Variants in PTPRD observed in about 807,000 individuals in gnomAD.
PTPRD encodes protein tyrosine phosphatase receptor type D.
In PTPRD, 34 loss-of-function variants were observed where a neutral mutation model predicts 214.5. That is an observed-to-expected ratio of 0.16 (90% confidence interval 0.12 to 0.21). The LOEUF is 0.21. Among genes scored for constraint, PTPRD ranks in the 10% least tolerant of loss-of-function variants. The probability of loss-of-function intolerance (pLI) is 1.00; values close to 1 mark genes in which losing one functional copy is unlikely to be tolerated. For synonymous variants in PTPRD, 1,128 were observed against 845.7 expected (o/e 1.33, Z -5.79); for missense variants, 2,545 against 2,398.7 (o/e 1.06, Z -1.27).
chr9:9,284,170 G>A (rs1948655461), intron 9 of PTPRD, among the ~76,000 whole-genome samples: 1 of 151,518 alleles, frequency 6.6e-6, no homozygotes, highest in African/African-American at 2.4e-5. Flanking sequence ...TCCTTTTCTT[G>A]GGGTTCTATC....
intron 3 of PTPRD, among the ~76,000 whole-genome samples, chr9:10,218,957 A>T (rs2099553781): frequency 6.6e-6 from 1 of 151,862 alleles, no homozygotes; most frequent in African/African-American, 2.4e-5. Flanking sequence ...AGAGAAAATT[A>T]AAAGTAAGAA....
At chr9:9,343,770 T>C (rs1453859926) in intron 9 of PTPRD, among the ~76,000 whole-genome samples, 1 of 151,888 alleles carries the variant, frequency 6.6e-6, no homozygotes. Flanking sequence ...TGAAATGAAG[T>C]GAAACAAATA....
At chr9:8,610,298 C>T (rs1337809) in intron 14 of PTPRD, among the ~76,000 whole-genome samples, 37,863 of 151,962 alleles carry the variant, frequency 0.25, 6,462 homozygotes, top group African/African-American at 0.48. Flanking sequence ...GCATACTGTT[C>T]GGCACATATT....
At chr9:8,799,351 A>C (rs1408069025) in intron 11 of PTPRD, among the ~76,000 whole-genome samples, 1 of 152,254 alleles carries the variant, frequency 6.6e-6, no homozygotes, top group African/African-American at 2.4e-5. Context: ...GAGGCAGCTT[A>C]GAATTCATTA....
chr9:8,334,958 C>G (rs1845142464), intron 43 of PTPRD, among the ~76,000 whole-genome samples: 1 of 150,076 alleles, frequency 6.7e-6, no homozygotes, highest in East Asian at 2.0e-4. Flanking sequence ...AAGACTAAAC[C>G]AGGAAGAAGT....
At chr9:10,027,940 T>G (rs2096960904) in intron 4 of PTPRD, among the ~76,000 whole-genome samples, 1 of 152,184 alleles carries the variant, frequency 6.6e-6, no homozygotes, top group Admixed American at 6.5e-5. Context: ...GGCTTAAAAG[T>G]ATATTGGATT....
intron 5 of PTPRD, among the ~76,000 whole-genome samples, chr9:9,855,348 C>T (rs1226298478): frequency 1.3e-5 from 2 of 152,106 alleles, no homozygotes; most frequent in Admixed American, 6.5e-5. Flanking sequence ...TTCACAGGAA[C>T]GCTGAGTAAA....
chr9:9,696,080 G>C (rs1047784005), intron 7 of PTPRD, among the ~76,000 whole-genome samples: 3 of 151,810 alleles, frequency 2.0e-5, no homozygotes, highest in Non-Finnish European at 4.4e-5. Context: ...GTTTTTATTG[G>C]TTTGCTCCAG....
chr9:9,986,196 C>T (rs1233451319), intron 4 of PTPRD, among the ~76,000 whole-genome samples: 1 of 152,062 alleles, frequency 6.6e-6, no homozygotes, highest in Non-Finnish European at 1.5e-5. Flanking sequence ...GTAGAACGCT[C>T]CAGAATGCCG....
At chr9:10,588,183 T>C (rs2074420233) in intron 2 of PTPRD, among the ~76,000 whole-genome samples, 1 of 152,086 alleles carries the variant, frequency 6.6e-6, no homozygotes, top group East Asian at 1.9e-4. Flanking sequence ...ACATAGTTTC[T>C]AGTTCAAAGA....
intron 7 of PTPRD, among the ~76,000 whole-genome samples, chr9:9,579,543 A>G (rs2090091639): frequency 6.6e-6 from 1 of 152,000 alleles, no homozygotes; most frequent in African/African-American, 2.4e-5. Context: ...CTAGGTATTA[A>G]GCCCAGCATG....
intron 8 of PTPRD, among the ~76,000 whole-genome samples, chr9:9,497,976 T>C (rs1275096989): frequency 6.6e-6 from 1 of 152,146 alleles, no homozygotes; most frequent in Non-Finnish European, 1.5e-5. Flanking sequence ...ATTAACATTT[T>C]GAATTTCTAT....
intron 3 of PTPRD, among the ~76,000 whole-genome samples, chr9:10,160,868 C>G (rs1416015663): frequency 1.3e-5 from 2 of 151,812 alleles, no homozygotes; most frequent in African/African-American, 4.8e-5. Context: ...AAATTCAGTA[C>G]AGTTGGAAGA....
At chr9:9,880,922 G>A (rs1013792069) in intron 5 of PTPRD, among the ~76,000 whole-genome samples, 2 of 151,920 alleles carry the variant, frequency 1.3e-5, no homozygotes, top group African/African-American at 4.8e-5. Context: ...ATTTGTATGT[G>A]TTCGAAATAG....
intron 5 of PTPRD, among the ~76,000 whole-genome samples, chr9:9,906,001 G>C (rs939283256): frequency 6.6e-6 from 1 of 151,958 alleles, no homozygotes; most frequent in African/African-American, 2.4e-5. Flanking sequence ...CTAGGCAATA[G>C]AAGTCTTTGT....
chr9:8,677,648 T>A (rs553458101), intron 12 of PTPRD, among the ~76,000 whole-genome samples: 1 of 152,284 alleles, frequency 6.6e-6, no homozygotes, highest in South Asian at 2.1e-4. Context: ...TCTGCACATG[T>A]ACCCCTGAAA....
At chr9:8,735,446 C>T (rs77731860) in intron 11 of PTPRD, among the ~76,000 whole-genome samples, 5,011 of 152,050 alleles carry the variant, frequency 0.033, 269 homozygotes, top group African/African-American at 0.11. Flanking sequence ...TCTTGGCCTA[C>T]CAAAGTGCTA....
intron 3 of PTPRD, among the ~76,000 whole-genome samples, chr9:10,177,571 T>C (rs1254488057): frequency 6.6e-6 from 1 of 151,634 alleles, no homozygotes; most frequent in Non-Finnish European, 1.5e-5. Context: ...AACAGATGAA[T>C]TAGGAGGCTT....
At chr9:8,774,433 A>G (rs2095376130) in intron 11 of PTPRD, among the ~76,000 whole-genome samples, 1 of 152,150 alleles carries the variant, frequency 6.6e-6, no homozygotes, top group Admixed American at 6.6e-5. Flanking sequence ...TGAAGAAAAA[A>G]CAGGGAGCTT....
Sources: gnomAD v4.1 joint callset for allele counts (sites outside exome capture counted in the v4.1 genomes callset) on GRCh38, gnomAD v4.1.1 for gene constraint, MANE v1.5 for transcripts, NCBI Gene and HGNC (gene_info 2026-07-23, HGNC 2026-07-21) for gene names.